The following TLK1 variants were observed in gnomAD, a reference collection of about 807,000 sequenced individuals.
TLK1 encodes tousled like kinase 1.
In TLK1, 24 loss-of-function variants were observed where a neutral mutation model predicts 105.3. The ratio of observed to expected loss-of-function variants is 0.23; its 90% confidence interval spans 0.17 to 0.32. TLK1 has a LOEUF of 0.32. Ranked by LOEUF, TLK1 falls within the 10% of genes least tolerant of loss-of-function variation. The pLI is 1.00. For synonymous variants in TLK1, 321 were observed against 310.4 expected (o/e 1.03, Z -0.36); for missense variants, 558 against 910.5 (o/e 0.61, Z 4.98).
intron 2 of TLK1, among the ~76,000 whole-genome samples, chr2:171,116,751 C>T (rs1690449893): frequency 6.7e-6 from 1 of 149,678 alleles, no homozygotes; most frequent in African/African-American, 2.4e-5. Flanking sequence ...ACAAGTAAAA[C>T]AAGAAGATAT....
chr2:171,214,281 G>A (rs922294459), intron 1 of TLK1, among the ~76,000 whole-genome samples: 2 of 152,080 alleles, frequency 1.3e-5, no homozygotes, highest in African/African-American at 2.4e-5. Context: ...GTATCCATAC[G>A]GCTTGGGTGA....
intron 18 of TLK1, among the ~76,000 whole-genome samples, chr2:171,005,300 GAC>G (rs1469795760): frequency 2.0e-5 from 3 of 152,214 alleles, no homozygotes; most frequent in Non-Finnish European, 4.4e-5. Flanking sequence ...CTGAGGGGAT[GAC>G]AGTCATTTAG....
At chr2:171,228,694 T>C (rs28510750) in intron 1 of TLK1, among the ~76,000 whole-genome samples, 8,534 of 152,270 alleles carry the variant, frequency 0.056, 484 homozygotes, top group East Asian at 0.25. Flanking sequence ...TTTAAACTCA[T>C]GTCCTTCTGG....
chr2:171,179,906 C>T (rs1316395795), intron 1 of TLK1, among the ~76,000 whole-genome samples: 2 of 151,976 alleles, frequency 1.3e-5, no homozygotes, highest in African/African-American at 4.8e-5. Context: ...CAAGCCTGGC[C>T]AATATGGTGA....
intron 11 of TLK1, among the ~76,000 whole-genome samples, chr2:171,039,876 T>C (rs978450811): frequency 5.9e-5 from 9 of 152,082 alleles, no homozygotes; most frequent in Non-Finnish European, 1.3e-4. Context: ...CCCTTTGTAA[T>C]TTTCCTTTAC....
intron 8 of TLK1, among the ~76,000 whole-genome samples, chr2:171,052,898 T>C (rs1687309401): frequency 6.6e-6 from 1 of 152,190 alleles, no homozygotes; most frequent in Non-Finnish European, 1.5e-5. Flanking sequence ...ATTAAAGTTA[T>C]CTGGGAGAGC....
intron 1 of TLK1, among the ~76,000 whole-genome samples, chr2:171,127,404 T>C (rs2356609): frequency 0.11 from 17,210 of 152,194 alleles, 1,526 homozygotes; most frequent in African/African-American, 0.24. Context: ...CCTATTTTCA[T>C]TGACAATATT....
intron 1 of TLK1, among the ~76,000 whole-genome samples, chr2:171,224,799 A>C (rs1454507362): frequency 1.3e-5 from 2 of 152,206 alleles, no homozygotes. Flanking sequence ...CTTAGTTTCA[A>C]AACTCACTAT....
At chr2:171,025,703 T>C (rs193264117) in intron 12 of TLK1, among the ~76,000 whole-genome samples, 4 of 152,328 alleles carry the variant, frequency 2.6e-5, no homozygotes, top group Admixed American at 2.6e-4. Context: ...TCCTGTGTTT[T>C]AAAAATCTGT....
At chr2:171,003,273 C>CAAAAA (rs777049271) in intron 18 of TLK1, among the ~76,000 whole-genome samples, 1,866 of 68,332 alleles carry the variant, frequency 0.027, 271 homozygotes, top group African/African-American at 0.054. Context: ...GACTCCGTCT[C>CAAAAA]AAAAAAAAAA....
intron 2 of TLK1, among the ~76,000 whole-genome samples, chr2:171,089,071 A>G (rs2105486400): frequency 6.6e-6 from 1 of 152,270 alleles, no homozygotes; most frequent in Middle Eastern, 3.4e-3. Context: ...TGGTAGAGAC[A>G]AGGTTTCGCC....
intron 4 of TLK1, among the ~76,000 whole-genome samples, chr2:171,059,638 C>T (rs1687651608): frequency 6.6e-6 from 1 of 152,020 alleles, no homozygotes; most frequent in East Asian, 1.9e-4. Flanking sequence ...GACATATGAC[C>T]AATCTAGTCC....
At chr2:171,174,745 G>T (rs1033413217) in intron 1 of TLK1, among the ~76,000 whole-genome samples, 3 of 152,124 alleles carry the variant, frequency 2.0e-5, no homozygotes, top group African/African-American at 7.2e-5. Flanking sequence ...CTAAGTAATG[G>T]TGATTGTGTT....
Position 171,082,791 on chromosome 2 carries a change from T to A in TLK1, c.320A>T (p.Lys107Ile), listed in dbSNP as rs1386334252. ...SFGSLGSLSD[K>I]ESETPEKKQS... ...AATGAAATTACTTACCTCTGATTCT[T>A]TGTCACTTAAAGATCCCAAGCTTCC... Residue 107 changes from lysine (K) to isoleucine (I), a missense_variant, in exon 3 of 21, where the codon AAA (lysine) becomes ATA (isoleucine). By Grantham distance (102) the Lys-to-Ile change is moderately radical (BLOSUM62 -3). This residue lies in a region of TLK1 where 13 missense variants were observed against 39.9 expected (regional missense o/e 0.33). Coordinates refer to ENST00000431350, the MANE Select transcript of TLK1 (RefSeq NM_012290.5). The A allele has an allele frequency of 6.2e-7, 1 of 1,607,616 alleles. No individual in the cohort carries two copies. Among genetic ancestry groups the A allele is most frequent in the East Asian group, 2.2e-5 (1 of 44,554 alleles).
intron 1 of TLK1, among the ~76,000 whole-genome samples, chr2:171,126,025 A>G (rs1690852170): frequency 6.6e-6 from 1 of 152,210 alleles, no homozygotes; most frequent in South Asian, 2.1e-4. Flanking sequence ...CAAATTCTTT[A>G]TTACAATAAA....
chr2:171,058,761 A>G (rs1243796188), intron 4 of TLK1, among the ~76,000 whole-genome samples: 1 of 152,182 alleles, frequency 6.6e-6, no homozygotes, highest in African/African-American at 2.4e-5. Context: ...TCAGTCCTGT[A>G]AGTTTTAAAT....
chr2:171,033,081 C>A (rs1447844739), intron 11 of TLK1, among the ~76,000 whole-genome samples: 1 of 152,028 alleles, frequency 6.6e-6, no homozygotes. Flanking sequence ...TGATGGGCAC[C>A]TGCAATCCCA....
At chr2:171,181,430 G>A (rs1479872476) in intron 1 of TLK1, among the ~76,000 whole-genome samples, 2 of 152,144 alleles carry the variant, frequency 1.3e-5, no homozygotes, top group Admixed American at 1.3e-4. Flanking sequence ...GAGTTTCTAC[G>A]TCCTCATCTC....
chr2:171,117,672 T>C, intron 2 of TLK1, 67 bp downstream of exon 2: 1 of 1,263,118 alleles, frequency 7.9e-7, no homozygotes, highest in South Asian at 1.3e-5. Context: ...TAGGAATCCT[T>C]TACATACTAT....
Sources: allele counts gnomAD v4.1 joint callset (sites outside exome capture counted in the v4.1 genomes callset), GRCh38; gene constraint gnomAD v4.1.1; regional missense constraint gnomAD v4.1.1; transcripts MANE v1.5; gene names NCBI Gene and HGNC (gene_info 2026-07-23, HGNC 2026-07-21).